Variants in TAFA4 observed in about 807,000 individuals in gnomAD.
The protein encoded by TAFA4 is TAFA chemokine like family member 4.
TAFA4 carries 20 observed loss-of-function variants against 21.1 expected under a neutral mutation model. The observed-to-expected ratio is 0.95, with a 90% CI of 0.67 to 1.38. TAFA4 has a LOEUF of 1.38. Among genes scored for constraint, TAFA4 ranks in the 40% most tolerant of loss-of-function variants. The pLI, the probability that TAFA4 is intolerant of heterozygous loss-of-function variation, is 0.00. For missense variants in TAFA4, 211 were observed against 180.9 expected (o/e 1.17, Z -0.95); for synonymous variants, 71 against 67.4 (o/e 1.05, Z -0.26).
In TAFA4 at chr3:68,741,313, A is replaced by C. The variant is rs147030139; in HGVS notation, c.287-2114T>G. ...CTTTCATTAATGTCTTACAGTTTTT[A>C]GTGTACTGATTTTTTTACCTCCTTG... is the stretch of plus-strand genomic sequence containing the variant. On this transcript the variant is annotated intron_variant, in intron 4 of 5. Transcript: ENST00000295569. 1.6e-3 allele frequency among the ~76,000 whole-genome samples: 238 copies of C among 152,216 alleles called. 3 individuals are homozygous for C. The East Asian group carries it at 0.04, about 25-fold the overall frequency.
intron 3 of TAFA4, among the ~76,000 whole-genome samples, chr3:68,846,495 C>T (rs113840119): frequency 0.11 from 16,975 of 151,818 alleles, 1,178 homozygotes; most frequent in African/African-American, 0.2. Context: ...CTGTTATTGC[C>T]CATCTTTTGA....
intron 3 of TAFA4, among the ~76,000 whole-genome samples, chr3:68,813,074 T>C (rs12633286): frequency 0.025 from 3,749 of 152,176 alleles, 249 homozygotes; most frequent in East Asian, 0.25. Flanking sequence ...CCTGAGTGAC[T>C]ACTGGGTACA....
At position 68,733,045 on chromosome 3, in the gene TAFA4, C is replaced by G; in HGVS notation, c.*97G>C. On this transcript the variant is annotated 3_prime_UTR_variant, in exon 6 of 6. Transcript: ENST00000295569. The stretch of plus-strand genomic sequence containing the variant: ...ATACAAATATGAAGTTGCTGAAATC[C>G]TAGACAATTTTCTGCAAAGGGGCCA... 4 of 1,546,402 alleles carry G rather than the reference C, an allele frequency of 2.6e-6. No individual in the cohort carries two copies. Among genetic ancestry groups the G allele is most frequent in the Non-Finnish European group, 3.5e-6 (4 of 1,129,448 alleles).
chr3:68,836,723 G>T (rs1032550868), intron 3 of TAFA4, among the ~76,000 whole-genome samples: 1 of 150,380 alleles, frequency 6.6e-6, no homozygotes, highest in Middle Eastern at 3.4e-3. Context: ...ACAATAGTAA[G>T]ATTTATTACT....
chr3:68,826,033 A>G (rs1704220125), intron 3 of TAFA4, among the ~76,000 whole-genome samples: 1 of 152,180 alleles, frequency 6.6e-6, no homozygotes, highest in Admixed American at 6.5e-5. Flanking sequence ...AGCTCTAGAT[A>G]ATGAAGTGAG....
At chr3:68,827,021 G>T (rs568839988) in intron 3 of TAFA4, among the ~76,000 whole-genome samples, 27 of 151,704 alleles carry the variant, frequency 1.8e-4, no homozygotes, top group Non-Finnish European at 3.7e-4. Flanking sequence ...TTCTCCTAAC[G>T]CTATCCCTCC....
chr3:68,898,048 GT>G (rs2089809728), intron 1 of TAFA4, among the ~76,000 whole-genome samples: 1 of 152,296 alleles, frequency 6.6e-6, no homozygotes, highest in East Asian at 1.9e-4. Context: ...GAGGAACAAG[GT>G]CCAGGACATG....
chr3:68,781,429 A>G (rs1249365114), intron 3 of TAFA4, among the ~76,000 whole-genome samples: 2 of 152,032 alleles, frequency 1.3e-5, no homozygotes, highest in Non-Finnish European at 2.9e-5. Flanking sequence ...ACCAATATTA[A>G]TAACAAAAAG....
intron 3 of TAFA4, among the ~76,000 whole-genome samples, chr3:68,821,326 CTTTTTTTTTTTTTTTTTTT>C: frequency 1.4e-5 from 1 of 73,668 alleles, no homozygotes; most frequent in Non-Finnish European, 2.5e-5. Flanking sequence ...AACCTCCCTG[CTTTTTTTTTTTTTTTTTTT>C]TTTTTTTTTT....
At chr3:68,823,430 T>C (rs1704156223) in intron 3 of TAFA4, among the ~76,000 whole-genome samples, 1 of 152,200 alleles carries the variant, frequency 6.6e-6, no homozygotes. Flanking sequence ...TTTTGAGGCC[T>C]GCTACAAGAT....
intron 1 of TAFA4, among the ~76,000 whole-genome samples, chr3:68,921,998 C>T (rs892758839): frequency 4.6e-5 from 7 of 152,166 alleles, no homozygotes; most frequent in Admixed American, 3.9e-4. Context: ...AACACTGATC[C>T]AACGAACATT....
intron 5 of TAFA4, among the ~76,000 whole-genome samples, chr3:68,734,900 C>T (rs143237589): frequency 1.1e-4 from 16 of 152,250 alleles, no homozygotes; most frequent in Admixed American, 9.8e-4. Flanking sequence ...TTTGAGGCAA[C>T]TTATTCCCTA....
In TAFA4 at chr3:68,907,026, C is replaced by T. The variant is rs1462534368; in HGVS notation, c.-122-21716G>A. Among the ~76,000 whole-genome samples, 7 of 110,512 alleles carry T rather than the reference C, an allele frequency of 6.3e-5. No individual in the cohort carries two copies. In the South Asian group the frequency reaches 1.0e-3, roughly 16 times the overall value. 72.5% of individuals were successfully genotyped at this position (110,512 alleles called of 152,430 possible). On this transcript the variant is annotated intron_variant, in intron 1 of 5. Coordinates refer to ENST00000295569, the MANE Select transcript of TAFA4 (RefSeq NM_182522.5). Reference sequence around the variant, plus strand: ...AACCTGGGTGATAAAAGTGAGAGCCCGTCTCAAAAAAAAAAAAAAAAAAAA... The same window carrying T: ...AACCTGGGTGATAAAAGTGAGAGCCTGTCTCAAAAAAAAAAAAAAAAAAAA...
chr3:68,868,187 C>G (rs1393975807), intron 3 of TAFA4, among the ~76,000 whole-genome samples: 2 of 151,920 alleles, frequency 1.3e-5, no homozygotes, highest in East Asian at 3.9e-4. Context: ...GAGAAAAGAG[C>G]AGGAGTAGCT....
chr3:68,770,761 G>A (rs1702940625), intron 3 of TAFA4, among the ~76,000 whole-genome samples: 1 of 152,164 alleles, frequency 6.6e-6, no homozygotes, highest in Non-Finnish European at 1.5e-5. Flanking sequence ...ACTGATACAG[G>A]AAGAGGGCAG....
At chr3:68,877,113 C>T (rs1180372795) in intron 3 of TAFA4, among the ~76,000 whole-genome samples, 2 of 152,042 alleles carry the variant, frequency 1.3e-5, no homozygotes, top group Non-Finnish European at 2.9e-5. Context: ...AATCCCAGCA[C>T]TTTGGGAGGC....
intron 3 of TAFA4, among the ~76,000 whole-genome samples, chr3:68,845,181 G>A (rs1485519280): frequency 2.0e-5 from 3 of 152,122 alleles, no homozygotes; most frequent in African/African-American, 7.2e-5. Flanking sequence ...CTGCTTTATG[G>A]ATCTGGGTGT....
intron 4 of TAFA4, among the ~76,000 whole-genome samples, chr3:68,751,615 C>T (rs1275041551): frequency 1.3e-5 from 2 of 152,024 alleles, no homozygotes; most frequent in Non-Finnish European, 1.5e-5. Flanking sequence ...AATCCTTTAT[C>T]AATAATCCCC....
chr3:68,877,362 A>C (rs2089563237), intron 3 of TAFA4, among the ~76,000 whole-genome samples: 1 of 152,132 alleles, frequency 6.6e-6, no homozygotes, highest in African/African-American at 2.4e-5. Context: ...CCATCTCAAA[A>C]AATTAATTGA....
Sources: gnomAD v4.1 joint callset for allele counts (sites outside exome capture counted in the v4.1 genomes callset) on GRCh38, gnomAD v4.1.1 for gene constraint, MANE v1.5 for transcripts, NCBI Gene and HGNC (gene_info 2026-07-23, HGNC 2026-07-21) for gene names.